The following RAB27A variants were observed in gnomAD, a reference collection of about 807,000 sequenced individuals.
The protein encoded by RAB27A is RAB27A, member RAS oncogene family.
In RAB27A, 17 loss-of-function variants were observed where a neutral mutation model predicts 20.8. The observed-to-expected ratio is 0.82, with a 90% confidence interval of 0.56 to 1.23. The LOEUF is 1.23. RAB27A is among the 50% of genes most tolerant of loss of function. The probability of loss-of-function intolerance (pLI) is 0.00; values close to 1 mark genes in which losing one functional copy is unlikely to be tolerated. For missense variants in RAB27A, 277 were observed against 266.7 expected, an observed-to-expected ratio of 1.04 and a Z score of -0.27; for synonymous variants, 85 against 92.8, an observed-to-expected ratio of 0.92 and a Z score of 0.48.
intron 1 of RAB27A, among the ~76,000 whole-genome samples, chr15:55,274,794 T>TTTTATATATATATATATATATATA (rs1491185564): frequency 1.7e-4 from 9 of 52,154 alleles, no homozygotes; most frequent in Non-Finnish European, 3.0e-4. Context: ...AATAAATAAA[T>TTTTATATATATATATATATATATA]TATATATATA....
At position 55,205,566 on chromosome 15, in the gene RAB27A, C is replaced by T. The variant is rs764890991; in HGVS notation, c.607G>A (p.Gly203Ser). 6.2e-7 allele frequency: 1 copy of T among 1,614,136 alleles called. No individual in the cohort carries two copies. Among genetic ancestry groups the T allele is most frequent in the Non-Finnish European group, 8.5e-7 (1 of 1,180,002 alleles). Residue 203 changes from glycine to serine, a missense_variant, in exon 7 of 7, where the codon GGT becomes AGT. Coordinates refer to ENST00000336787, the MANE Select transcript of RAB27A (RefSeq NM_183235.3). ...WIPEGVVRSN[G>S]HASTDQLSEE... ...CTTAACTGATCCGTAGAGGCATGACCATTTGATCGCACCACTCCTTCAGGA... is the reference window on the plus strand; with the variant it reads ...CTTAACTGATCCGTAGAGGCATGACTATTTGATCGCACCACTCCTTCAGGA...
intron 2 of RAB27A, among the ~76,000 whole-genome samples, chr15:55,255,633 T>C (rs1897051279): frequency 6.6e-6 from 1 of 152,236 alleles, no homozygotes; most frequent in Admixed American, 6.5e-5. Flanking sequence ...CTGTGCTTTT[T>C]TGATAATTAA....
At chr15:55,222,578 C>T (rs17819024) in intron 6 of RAB27A, among the ~76,000 whole-genome samples, 26,512 of 152,138 alleles carry the variant, frequency 0.17, 2,702 homozygotes, top group African/African-American at 0.26. Context: ...TATTCAAACC[C>T]CTCCAGAGTC....
intron 2 of RAB27A, among the ~76,000 whole-genome samples, chr15:55,302,355 C>T (rs1027471836): frequency 1.3e-5 from 2 of 152,036 alleles, no homozygotes; most frequent in Admixed American, 6.5e-5. Context: ...GGATTGCAGA[C>T]GGAGTCTCGT....
intron 2 of RAB27A, among the ~76,000 whole-genome samples, chr15:55,254,356 G>A (rs930113755): frequency 2.6e-5 from 4 of 151,772 alleles, no homozygotes; most frequent in African/African-American, 9.7e-5. Context: ...CTAACAATAG[G>A]CCTCAATGGT....
At chr15:55,207,116 T>C (rs920659780) in intron 6 of RAB27A, among the ~76,000 whole-genome samples, 1 of 152,070 alleles carries the variant, frequency 6.6e-6, no homozygotes, top group African/African-American at 2.4e-5. Flanking sequence ...ACCCATCAGA[T>C]TGGCAAAAAT....
chr15:55,318,004 G>T (rs2055067388), intron 1 of RAB27A: 1 of 326,020 alleles, frequency 3.1e-6, no homozygotes, highest in Non-Finnish European at 5.5e-6. Flanking sequence ...AAATACATAA[G>T]GAGTACAGGA....
chr15:55,225,093 C>T (rs939803130), intron 5 of RAB27A, among the ~76,000 whole-genome samples: 1 of 152,202 alleles, frequency 6.6e-6, no homozygotes, highest in Non-Finnish European at 1.5e-5. Flanking sequence ...CAGGTTGTTA[C>T]ACATGCTGTT....
intron 1 of RAB27A, chr15:55,317,555 C>A (rs1251706774): frequency 2.7e-6 from 1 of 372,592 alleles, no homozygotes; most frequent in Non-Finnish European, 4.8e-6. Context: ...CCACCTGATC[C>A]ACCCGCCTCG....
chr15:55,208,000 C>G (rs554671316), intron 6 of RAB27A, among the ~76,000 whole-genome samples: 1 of 152,228 alleles, frequency 6.6e-6, no homozygotes, highest in South Asian at 2.1e-4. Context: ...CTACATGTGA[C>G]CAGTGGCTAT....
intron 6 of RAB27A, among the ~76,000 whole-genome samples, chr15:55,212,000 T>C (rs1895051357): frequency 6.6e-6 from 1 of 151,132 alleles, no homozygotes; most frequent in South Asian, 2.1e-4. Context: ...CTTTTTTGCT[T>C]CAGGGATTTC....
chr15:55,215,646 C>A, intron 6 of RAB27A, among the ~76,000 whole-genome samples: 1 of 95,260 alleles, frequency 1.0e-5, no homozygotes, highest in East Asian at 2.5e-4. Flanking sequence ...AGCGAGACTC[C>A]GTCTCAAAAA....
chr15:55,311,081 G>C (rs567139136), intron 2 of RAB27A, among the ~76,000 whole-genome samples: 2 of 151,556 alleles, frequency 1.3e-5, no homozygotes, highest in South Asian at 4.2e-4. Context: ...CTGCTGGCCT[G>C]TGGGGAATTT....
At chr15:55,286,912 CTTTTTTTTTTTTT>C (rs35313703) in intron 1 of RAB27A, among the ~76,000 whole-genome samples, 8 of 57,138 alleles carry the variant, frequency 1.4e-4, no homozygotes, top group Non-Finnish European at 2.3e-4. Context: ...TAGATGTATT[CTTTTTTTTTTTTT>C]TTTTTTTTTT....
intron 2 of RAB27A, among the ~76,000 whole-genome samples, chr15:55,264,716 T>A (rs1382232400): frequency 6.6e-6 from 1 of 152,196 alleles, no homozygotes; most frequent in East Asian, 1.9e-4. Context: ...CCACCAATGA[T>A]CCAAAGATAT....
chr15:55,302,578 T>A (rs1267674471), intron 2 of RAB27A, among the ~76,000 whole-genome samples: 3 of 140,570 alleles, frequency 2.1e-5, no homozygotes, highest in African/African-American at 8.2e-5. Flanking sequence ...CTGCCCAGTC[T>A]GGAAAGTGAG....
intron 6 of RAB27A, among the ~76,000 whole-genome samples, chr15:55,206,103 G>A (rs113048797): frequency 6.6e-6 from 1 of 151,868 alleles, no homozygotes; most frequent in Non-Finnish European, 1.5e-5. Flanking sequence ...CCCAGCTACT[G>A]GGGAGGCTGA....
rs1279993676 is a variant in RAB27A, at chr15:55,230,392, A to G, written c.239+9T>C. 6.3e-7 allele frequency: 1 copy of G among 1,599,990 alleles called. No individual in the cohort carries two copies. The highest frequency in any genetic ancestry group is 8.6e-7 in the Non-Finnish European group (1 of 1,167,122). ...TTCAGTAAGGAGCACATAACTGAAG[A>G]TCTCATACCTCTCCTGCCCTGCTGT... On this transcript the variant is annotated intron_variant, in intron 4 of 6. Transcript: ENST00000336787.
chr15:55,226,071 T>C (rs1027445342), intron 5 of RAB27A, among the ~76,000 whole-genome samples: 1 of 152,142 alleles, frequency 6.6e-6, no homozygotes, highest in African/African-American at 2.4e-5. Context: ...GTAAAATATA[T>C]ACTGTTGGGT....
Sources: gnomAD v4.1 joint callset for allele counts (sites outside exome capture counted in the v4.1 genomes callset) on GRCh38, gnomAD v4.1.1 for gene constraint, MANE v1.5 for transcripts, NCBI Gene and HGNC (gene_info 2026-07-23, HGNC 2026-07-21) for gene names.